DNAJA3: variants seen among roughly 807,000 people sequenced by gnomAD.
DNAJA3 encodes the protein dnaJ homolog subfamily A member 3, mitochondrial.
DNAJA3 carries 29 observed loss-of-function variants against 54.9 expected under a neutral mutation model. The observed-to-expected ratio is 0.53, with a 90% confidence interval of 0.39 to 0.72. The LOEUF is 0.72. Among genes scored for constraint, DNAJA3 ranks in the 30% least tolerant of loss-of-function variants. DNAJA3 has a pLI of 0.00. For missense variants in DNAJA3, 708 were observed against 639.4 expected (o/e 1.11, Z -1.16); for synonymous variants, 302 against 251.4 (o/e 1.20, Z -1.90).
At chr16:4,442,457 G>A (rs1596366200) in intron 5 of DNAJA3, 37 bp downstream of exon 5, 8 of 1,539,064 alleles carry the variant, frequency 5.2e-6, no homozygotes, top group Middle Eastern at 3.5e-4. Flanking sequence ...CCCACGGCTT[G>A]CACCACTGAC....
intron 10 of DNAJA3, among the ~76,000 whole-genome samples, chr16:4,454,280 T>C (rs2057010395): frequency 6.6e-6 from 1 of 152,168 alleles, no homozygotes; most frequent in Admixed American, 6.6e-5. Flanking sequence ...TTGGCAGTCA[T>C]TATTTACCTT....
At position 4,425,905 on chromosome 16, in the gene DNAJA3, C is replaced by T. The variant is rs1031794932; in HGVS notation, c.24C>T (p.Arg8=). The T allele has an allele frequency of 2.6e-6, 4 of 1,544,030 alleles. No homozygotes were observed. The East Asian group carries it at 7.4e-5, about 29-fold the overall frequency. The change falls in exon 1 of 12, where the codon CGC becomes CGT. Residue 8 remains arginine (R), a synonymous_variant. Coordinates refer to ENST00000262375, the MANE Select transcript of DNAJA3 (RefSeq NM_005147.6). ...AGATGGCTGCGCGGTGCTCCACACG[C>T]TGGTTGCTGGTGGTTGTGGGGACCC... MAARCST[R]WLLVVVGTPR... is the part of the protein sequence containing the mutation.
Position 4,450,502 on chromosome 16 carries a change from G to T in DNAJA3, c.1339+5G>T. ...GCGTCACCCTCACCAGCTCTGGTAA[G>T]GAGTCTGAAGACTACATGGTGACAC... On this transcript the variant is annotated splice_donor_5th_base_variant and intron_variant, in intron 10 of 11. Transcript: ENST00000262375. The T allele has an allele frequency of 6.2e-7, 1 of 1,601,854 alleles. No homozygotes were observed.
intron 3 of DNAJA3, 145 bp from the exon 4 acceptor site, chr16:4,441,230 C>T (rs1390149439): frequency 2.9e-6 from 2 of 698,852 alleles, no homozygotes; most frequent in East Asian, 2.7e-5. Context: ...GTGCTAGTCA[C>T]AGGCCCACCC....
chr16:4,453,398 T>A (rs578099624), intron 10 of DNAJA3, among the ~76,000 whole-genome samples: 2 of 152,076 alleles, frequency 1.3e-5, no homozygotes, highest in East Asian at 3.9e-4. Context: ...TATGTGACTT[T>A]TTGAGTGAGA....
Position 4,438,635 on chromosome 16 carries a change from C to CTTT in DNAJA3, c.429+1167_429+1169dup, listed in dbSNP as rs56211652. Among the ~76,000 whole-genome samples, 58 of 110,648 alleles carry CTTT rather than the reference C, an allele frequency of 5.2e-4. 2 individuals carry two copies. The highest frequency in any genetic ancestry group is 1.4e-3 in the African/African-American group (39 of 28,178). The allele number at this position is 110,648 out of a possible 152,430, so 72.6% of individuals were successfully genotyped here. On this transcript the variant is annotated intron_variant, in intron 3 of 11. Coordinates refer to ENST00000262375, the MANE Select transcript of DNAJA3 (RefSeq NM_005147.6). Reference sequence around the variant, plus strand: ...TTCCCAGATTTTTTGACAATCTTTTCTTTTTTTTTTTTTTTTTTTGCTTAA... The same window carrying CTTT: ...TTCCCAGATTTTTTGACAATCTTTTCTTTTTTTTTTTTTTTTTTTTTTGCTTAA...
intron 10 of DNAJA3, 51 bp downstream of exon 10, chr16:4,450,548 C>A: frequency 7.2e-7 from 1 of 1,392,968 alleles, no homozygotes; most frequent in South Asian, 1.3e-5. Context: ...CAGAGCCCCC[C>A]AGGGTATGGA....
chr16:4,432,243 G>A (rs1400775802), intron 1 of DNAJA3, among the ~76,000 whole-genome samples: 1 of 150,046 alleles, frequency 6.7e-6, no homozygotes, highest in Non-Finnish European at 1.5e-5. Flanking sequence ...GGCTGGTTTC[G>A]AACTCCTGGG....
At chr16:4,438,873 C>G (rs550064605) in intron 3 of DNAJA3, among the ~76,000 whole-genome samples, 9 of 152,010 alleles carry the variant, frequency 5.9e-5, no homozygotes, top group Admixed American at 3.9e-4. Flanking sequence ...CTCAGTAAAT[C>G]TTTTTTGAGT....
chr16:4,436,262 C>T (rs1223854860), intron 2 of DNAJA3, among the ~76,000 whole-genome samples: 1 of 152,090 alleles, frequency 6.6e-6, no homozygotes, highest in East Asian at 1.9e-4. Flanking sequence ...CCTGTCTCTT[C>T]CTGAGCTCAA....
intron 3 of DNAJA3, among the ~76,000 whole-genome samples, chr16:4,438,635 C>CTTTT (rs56211652): frequency 1.4e-4 from 15 of 110,644 alleles, no homozygotes; most frequent in East Asian, 2.7e-4. Flanking sequence ...ACAATCTTTT[C>CTTTT]TTTTTTTTTT....
At chr16:4,432,838 A>G (rs902368924) in intron 1 of DNAJA3, among the ~76,000 whole-genome samples, 1 of 152,012 alleles carries the variant, frequency 6.6e-6, no homozygotes, top group African/African-American at 2.4e-5. Context: ...CTCCGTCTCA[A>G]AAAACAAAGA....
chr16:4,451,885 C>T (rs577262823), intron 10 of DNAJA3, among the ~76,000 whole-genome samples: 4 of 146,062 alleles, frequency 2.7e-5, no homozygotes, highest in Admixed American at 2.1e-4. Context: ...ATGGTGAAAC[C>T]CTGTCTCTAC....
chr16:4,454,867 G>A lies in DNAJA3; in HGVS notation c.1396G>A (p.Asp466Asn), dbSNP rs779402407. 1.9e-5 allele frequency: 30 copies of A among 1,614,144 alleles called. No individual in the cohort carries two copies. The highest frequency in any genetic ancestry group is 1.2e-4 in the Admixed American group (7 of 60,018). The change falls in exon 11 of 12, where the codon GAC becomes AAC. Residue 466 changes from aspartate to asparagine, a missense_variant. Coordinates refer to ENST00000262375, the MANE Select transcript of DNAJA3 (RefSeq NM_005147.6). ...GSKARREAGEDEEGFLSKLKK... is the reference protein window; with the variant it reads ...GSKARREAGENEEGFLSKLKK... ...CAAGGCTAGGCGTGAGGCTGGGGAGGACGAGGAGGGATTCCTTTCCAAACT... is the reference window on the plus strand; with the variant it reads ...CAAGGCTAGGCGTGAGGCTGGGGAGAACGAGGAGGGATTCCTTTCCAAACT...
chr16:4,454,184 C>T (rs1175603170), intron 10 of DNAJA3, among the ~76,000 whole-genome samples: 2 of 152,166 alleles, frequency 1.3e-5, no homozygotes, highest in Non-Finnish European at 2.9e-5. Context: ...TGTGCGTGGC[C>T]GTGACTCCCA....
chr16:4,446,767 T>G, intron 7 of DNAJA3, 119 bp from the exon 8 acceptor site: 2 of 1,235,712 alleles, frequency 1.6e-6, no homozygotes, highest in Non-Finnish European at 2.3e-6. Context: ...ACACTGCACT[T>G]TATGTATGGA....
At chr16:4,455,018 C>T (rs1174084671) in intron 11 of DNAJA3, 91 bp downstream of exon 11, 7 of 886,402 alleles carry the variant, frequency 7.9e-6, no homozygotes, top group East Asian at 2.6e-5. Flanking sequence ...TGTGCCCCCA[C>T]CCCCAGGAGT....
Position 4,437,573 on chromosome 16 carries a change from G to T in DNAJA3, c.429+88G>T, listed in dbSNP as rs143879259. The T allele has an allele frequency of 2.2e-4, 238 of 1,064,594 alleles. 1 individual carries two copies. In the East Asian group the frequency reaches 5.0e-3, roughly 22 times the overall value. The allele number at this position is 1,064,594 out of a possible 1,614,324, so 65.9% of individuals were successfully genotyped here. On this transcript the variant is annotated intron_variant, in intron 3 of 11. Coordinates refer to ENST00000262375, the MANE Select transcript of DNAJA3 (RefSeq NM_005147.6). ...ATTGCTACCTGGGACAGCCTGGTGTGTCATACAGTCCAGTGTGAAGGCCAT... is the reference window on the plus strand; with the variant it reads ...ATTGCTACCTGGGACAGCCTGGTGTTTCATACAGTCCAGTGTGAAGGCCAT...
chr16:4,442,202 T>C, intron 4 of DNAJA3, 66 bp from the exon 5 acceptor site: 1 of 1,499,168 alleles, frequency 6.7e-7, no homozygotes, highest in Admixed American at 2.1e-5. Context: ...CCTTTCCCTT[T>C]AGAGCCGAGC....
Sources: gnomAD v4.1 joint callset for allele counts (sites outside exome capture counted in the v4.1 genomes callset) on GRCh38, gnomAD v4.1.1 for gene constraint, MANE v1.5 for transcripts, NCBI Gene and HGNC (gene_info 2026-07-23, HGNC 2026-07-21) for gene names.